FANCD2OS: variants seen among roughly 807,000 people sequenced by gnomAD.
The protein encoded by FANCD2OS is FANCD2 opposite strand protein.
FANCD2OS carries 11 observed loss-of-function variants against 13.2 expected under a neutral mutation model. The ratio of observed to expected loss-of-function variants is 0.83; its 90% confidence interval spans 0.52 to 1.38. The LOEUF is 1.38. Among genes scored for constraint, FANCD2OS ranks in the 40% most tolerant of loss-of-function variants. The pLI, the probability that FANCD2OS is intolerant of heterozygous loss-of-function variation, is 0.00. For synonymous variants in FANCD2OS, 69 were observed against 84.5 expected (o/e 0.82, Z 1.01); for missense variants, 217 against 213.9 (o/e 1.01, Z -0.09).
chr3:10,091,255 A>G (rs1205058260), intron 2 of FANCD2OS, among the ~76,000 whole-genome samples: 1 of 150,952 alleles, frequency 6.6e-6, no homozygotes, highest in East Asian at 2.0e-4. Flanking sequence ...TAATTTTTCT[A>G]TTTTTAGTAG....
intron 2 of FANCD2OS, chr3:10,087,023 T>C: frequency 8.6e-7 from 1 of 1,165,864 alleles, no homozygotes; most frequent in Non-Finnish European, 1.3e-6. Flanking sequence ...AGGAGGATTC[T>C]GATTAGGCCG....
At chr3:10,094,706 T>TA (rs950105118) in intron 2 of FANCD2OS, among the ~76,000 whole-genome samples, 104 of 147,776 alleles carry the variant, frequency 7.0e-4, no homozygotes, top group Admixed American at 1.4e-3. Flanking sequence ...GAAATGATTT[T>TA]AAAAAAAAAA....
rs1296250061 is a variant in FANCD2OS, at chr3:10,104,648, G to A, written c.127C>T (p.Pro43Ser). 3.7e-6 allele frequency: 6 copies of A among 1,614,086 alleles called. No homozygotes were observed. The highest frequency in any genetic ancestry group is 4.5e-5 in the East Asian group (2 of 44,894). ...CACAGCTGCACTTCAAGGTCGGACG[G>A]TGTGTGTGGGAAGCAGGGGGAGGCC... ...FKASPCFPHT[P>S]SDLEVQLCFQ... Residue 43 changes from proline to serine, a missense_variant, in exon 2 of 2, where the codon CCG becomes TCG. Pro to Ser is a moderately conservative substitution (Grantham distance 74). Coordinates refer to ENST00000450660, the MANE Select transcript of FANCD2OS (RefSeq NM_001164839.2).
downstream of FANCD2OS, chr3:10,099,177 T>A: frequency 7.1e-7 from 1 of 1,415,616 alleles, no homozygotes; most frequent in Non-Finnish European, 9.2e-7. Context: ...TTAAACACAT[T>A]TGAAACATAC....
intron 2 of FANCD2OS, chr3:10,087,364 A>T (rs998124860): frequency 8.7e-7 from 1 of 1,151,464 alleles, no homozygotes; most frequent in East Asian, 2.5e-5. Context: ...TTTACATGTA[A>T]ATCCCCACAT....
Position 10,104,717 on chromosome 3 carries a change from G to A in FANCD2OS, c.58C>T (p.Leu20=). ...GAAGGTGTAGGTGTCGTGTGCCGCA[G>A]CCATTGGAAACTCTCATCCAGTGGG... ...WTPLDESFQW[L]RHTTPTPSSK... Residue 20 remains leucine, a synonymous_variant, in exon 2 of 2, where the codon CTG becomes TTG. Coordinates refer to ENST00000450660, the MANE Select transcript of FANCD2OS (RefSeq NM_001164839.2). The A allele has an allele frequency of 6.2e-7, 1 of 1,611,438 alleles. No individual in the cohort carries two copies. Among genetic ancestry groups the A allele is most frequent in the Non-Finnish European group, 8.5e-7 (1 of 1,178,640 alleles).
At chr3:10,085,602 A>G (rs1694144158) in intron 2 of FANCD2OS, among the ~76,000 whole-genome samples, 1 of 151,654 alleles carries the variant, frequency 6.6e-6, no homozygotes, top group Non-Finnish European at 1.5e-5. Context: ...GTGTTGGCCA[A>G]GATGGTCTCC....
intron 2 of FANCD2OS, among the ~76,000 whole-genome samples, chr3:10,088,224 T>C (rs766723020): frequency 5.3e-5 from 8 of 152,078 alleles, no homozygotes; most frequent in Non-Finnish European, 1.0e-4. Flanking sequence ...CAAGATGGGG[T>C]TGGGGTGGGA....
Position 10,108,020 on chromosome 3 carries a change from A to G in FANCD2OS, c.-14T>C, listed in dbSNP as rs1695549379. The G allele has an allele frequency of 6.6e-6, 1 of 152,324 alleles. No homozygotes were observed. The highest frequency in any genetic ancestry group is 2.4e-5 in the African/African-American group (1 of 41,454). The allele number at this position is 152,324 out of a possible 1,614,324, so 9.4% of individuals were successfully genotyped here. On this transcript the variant is annotated 5_prime_UTR_variant, in exon 1 of 2. Transcript: ENST00000450660. Reference sequence around the variant, plus strand: ...CCATCTCTTGATTTCCCCACCTGGGAAACAGGGCGTTAGCGCCAAAGTGCA... The same window carrying G: ...CCATCTCTTGATTTCCCCACCTGGGGAACAGGGCGTTAGCGCCAAAGTGCA...
At chr3:10,100,029 T>A (rs190222433), downstream of FANCD2OS, among the ~76,000 whole-genome samples, 859 of 151,006 alleles carry the variant, frequency 5.7e-3, 3 homozygotes, top group Middle Eastern at 0.021. Flanking sequence ...ACAGAAAAAA[T>A]TTTTTTGAGC....
chr3:10,101,505 C>T (rs552573592), downstream of FANCD2OS: 57 of 474,236 alleles, frequency 1.2e-4, no homozygotes, highest in African/African-American at 1.1e-3. Flanking sequence ...CCTGCCTCAG[C>T]CTCCTGAGTA....
At chr3:10,103,807 C>CG (rs1477672290), downstream of FANCD2OS, 3 of 159,502 alleles carry the variant, frequency 1.9e-5, no homozygotes, top group African/African-American at 7.2e-5. Flanking sequence ...TTGTTTTGGT[C>CG]GGGGGAGGTT....
chr3:10,096,262 T>C (rs1694952630), intron 2 of FANCD2OS: 8 of 1,541,964 alleles, frequency 5.2e-6, no homozygotes, highest in African/African-American at 1.4e-5. Context: ...CAAAGGTTTC[T>C]ATAAGAAATG....
intron 1 of FANCD2OS, among the ~76,000 whole-genome samples, chr3:10,105,817 T>C (rs1695482654): frequency 1.2e-5 from 1 of 80,914 alleles, no homozygotes; most frequent in Admixed American, 1.4e-4. Flanking sequence ...TATATATATA[T>C]ATATTTTGAG....
At position 10,104,148 on chromosome 3, in the gene FANCD2OS, G is replaced by A. The variant is rs1695401910; in HGVS notation, c.*93C>T. The A allele has an allele frequency of 8.5e-6, 10 of 1,175,246 alleles. No individual in the cohort carries two copies. Among genetic ancestry groups the A allele is most frequent in the Admixed American group, 2.9e-5 (1 of 34,988 alleles). 72.8% of individuals were successfully genotyped at this position (1,175,246 alleles called of 1,614,324 possible). A position where few individuals can be genotyped will look rare whatever the true frequency, so the allele number is the denominator to read the frequency against. On this transcript the variant is annotated 3_prime_UTR_variant, in exon 2 of 2. Coordinates refer to ENST00000450660, the MANE Select transcript of FANCD2OS (RefSeq NM_001164839.2). ...ACAAAAGCAAGATGGCTGGGACAAT[G>A]TCACAGTTTCATTTACATGGACAGG... is the stretch of plus-strand genomic sequence containing the variant.
At chr3:10,105,682 C>T (rs1425293974) in intron 1 of FANCD2OS, among the ~76,000 whole-genome samples, 2 of 141,700 alleles carry the variant, frequency 1.4e-5, no homozygotes, top group Non-Finnish European at 3.0e-5. Flanking sequence ...ACCCAGGAGG[C>T]GGAGGTTGCA....
chr3:10,081,367 G>A lies in FANCD2OS; in HGVS notation c.*208C>T, dbSNP rs142238966. 1.3e-5 allele frequency: 21 copies of A among 1,613,768 alleles called. No homozygotes were observed. The highest frequency in any genetic ancestry group is 1.6e-4 in the Middle Eastern group (1 of 6,082). The stretch of plus-strand genomic sequence containing the variant: ...TTAGTGTTTAGCTGCTGAGAATCAC[G>A]GTGTAGTTGATGGACCAGGAGTGAA... On this transcript the variant is annotated 3_prime_UTR_variant, in exon 3 of 3. Transcript: ENST00000524279.
chr3:10,090,218 G>T lies in FANCD2OS; in HGVS notation c.*44-8687C>A, dbSNP rs2287435. 475 of 1,072,674 alleles carry T rather than the reference G, an allele frequency of 4.4e-4. 1 individual carries two copies. The East Asian group carries it at 9.7e-3, about 22-fold the overall frequency. The allele number at this position is 1,072,674 out of a possible 1,614,324, so 66.4% of individuals were successfully genotyped here. On this transcript the variant is annotated intron_variant, in intron 2 of 2. Transcript: ENST00000524279. ...AGAGGTAGGGAAGGAAGCTACTTTT[G>T]GTTCCTGGTTCTTCCCAGGTAGTTC... is the stretch of plus-strand genomic sequence containing the variant.
exon 3 of FANCD2OS, chr3:10,081,358 G>A (rs867950536): frequency 6.2e-7 from 1 of 1,613,880 alleles, no homozygotes; most frequent in Non-Finnish European, 8.5e-7. Flanking sequence ...TTTAGCTGCT[G>A]AGAATCACGG....
Sources: gnomAD v4.1 joint callset for allele counts (sites outside exome capture counted in the v4.1 genomes callset) on GRCh38, gnomAD v4.1.1 for gene constraint, MANE v1.5 for transcripts, NCBI Gene and HGNC (gene_info 2026-07-23, HGNC 2026-07-21) for gene names.